FMN1: variants seen among roughly 807,000 people sequenced by gnomAD.
FMN1 encodes the protein formin 1.
Under a neutral mutation model 132.4 loss-of-function variants are expected in FMN1, and 110 were observed. That is an observed-to-expected ratio of 0.83 (90% confidence interval 0.71 to 0.97). The LOEUF (loss-of-function observed/expected upper bound fraction) is 0.97, where lower values mean the gene tolerates loss of function less well. Ranked by LOEUF, FMN1 falls within the 50% of genes least tolerant of loss-of-function variation. The pLI is 0.00. For missense variants in FMN1, 1,792 were observed against 1,705.3 expected, an observed-to-expected ratio of 1.05 and a Z score of -0.90; for synonymous variants, 722 against 651.7, an observed-to-expected ratio of 1.11 and a Z score of -1.64.
intron 4 of FMN1, among the ~76,000 whole-genome samples, chr15:33,099,228 C>A (rs1365899219): frequency 3.3e-5 from 5 of 152,210 alleles, no homozygotes; most frequent in African/African-American, 1.2e-4. Flanking sequence ...AAGGTTGAGG[C>A]TGCAGTGAGG....
At chr15:33,186,870 C>G (rs2140354155) in intron 2 of FMN1, among the ~76,000 whole-genome samples, 1 of 152,190 alleles carries the variant, frequency 6.6e-6, no homozygotes, top group East Asian at 1.9e-4. Flanking sequence ...AGGTATCTCC[C>G]TGGAGCACTT....
intron 7 of FMN1, among the ~76,000 whole-genome samples, chr15:32,976,752 T>C (rs1450634657): frequency 2.6e-5 from 4 of 152,146 alleles, no homozygotes; most frequent in Admixed American, 6.5e-5. Flanking sequence ...GTAATTGATA[T>C]GAAGCTGACT....
chr15:32,877,322 C>G (rs1012522442), intron 16 of FMN1, among the ~76,000 whole-genome samples: 1 of 150,180 alleles, frequency 6.7e-6, no homozygotes, highest in Non-Finnish European at 1.5e-5. Flanking sequence ...GGTATCAACA[C>G]AAGAATTTTT....
chr15:33,084,340 C>T (rs907135326), intron 5 of FMN1, among the ~76,000 whole-genome samples: 1 of 152,132 alleles, frequency 6.6e-6, no homozygotes, highest in African/African-American at 2.4e-5. Flanking sequence ...GTTATCCTAG[C>T]AAATTACTGA....
intron 12 of FMN1, among the ~76,000 whole-genome samples, chr15:32,903,609 G>A (rs746595483): frequency 1.4e-4 from 22 of 152,192 alleles, no homozygotes; most frequent in South Asian, 8.3e-4. Flanking sequence ...CACAGTGAGC[G>A]AAGCAGTTAC....
intron 7 of FMN1, among the ~76,000 whole-genome samples, chr15:32,974,753 G>C (rs1381360326): frequency 6.6e-6 from 1 of 152,088 alleles, no homozygotes; most frequent in Admixed American, 6.6e-5. Context: ...AGCTGAGATA[G>C]TAAAACAACA....
intron 2 of FMN1, among the ~76,000 whole-genome samples, chr15:33,193,329 TAAGCAACGGC>T (rs528907963): frequency 1.1e-4 from 17 of 152,296 alleles, no homozygotes; most frequent in African/African-American, 4.1e-4. Flanking sequence ...TAGAAACAGC[TAAGCAACGGC>T]TGTTGAATCC....
chr15:33,115,787 G>C (rs1324031926), intron 4 of FMN1, among the ~76,000 whole-genome samples: 2 of 152,228 alleles, frequency 1.3e-5, no homozygotes, highest in South Asian at 2.1e-4. Flanking sequence ...TTACCACTTA[G>C]AAGTTCCCTT....
At chr15:33,090,513 A>C (rs1301493437) in intron 4 of FMN1, among the ~76,000 whole-genome samples, 1 of 151,946 alleles carries the variant, frequency 6.6e-6, no homozygotes, top group Non-Finnish European at 1.5e-5. Flanking sequence ...TCCACAAAAC[A>C]CCTTTCTGCA....
intron 6 of FMN1, among the ~76,000 whole-genome samples, chr15:33,020,055 G>C (rs2035333543): frequency 6.6e-6 from 1 of 152,136 alleles, no homozygotes; most frequent in South Asian, 2.1e-4. Flanking sequence ...ACCAGGAAAT[G>C]TGTTTCCCTG....
At chr15:32,862,352 C>T (rs567329225) in intron 16 of FMN1, among the ~76,000 whole-genome samples, 1 of 152,130 alleles carries the variant, frequency 6.6e-6, no homozygotes, top group Non-Finnish European at 1.5e-5. Flanking sequence ...TCTCTTTACA[C>T]AATTTTTTGG....
At chr15:32,869,818 C>T (rs1366274020) in intron 16 of FMN1, among the ~76,000 whole-genome samples, 1 of 152,142 alleles carries the variant, frequency 6.6e-6, no homozygotes, top group African/African-American at 2.4e-5. Flanking sequence ...GCAGAAGGAT[C>T]AAGTGAGATG....
Position 33,122,373 on chromosome 15 carries a change from T to A in FMN1, c.1867+30675A>T, listed in dbSNP as rs182960558. On this transcript the variant is annotated intron_variant, in intron 4 of 20. Transcript: ENST00000616417. ...TTTAACCCAGGCATGTATTAAACAA[T>A]TTTCTCCCAAAAAGTACATGCCTGG... Among the ~76,000 whole-genome samples, 240 of 152,314 alleles carry A rather than the reference T, an allele frequency of 1.6e-3. 1 individual carries two copies. Among genetic ancestry groups the A allele is most frequent in the African/African-American group, 5.5e-3 (229 of 41,576 alleles).
At chr15:33,022,659 G>C (rs899371045) in intron 6 of FMN1, among the ~76,000 whole-genome samples, 4 of 152,212 alleles carry the variant, frequency 2.6e-5, no homozygotes, top group African/African-American at 9.7e-5. Flanking sequence ...GGACAAACCA[G>C]TAAGTGGCAC....
intron 4 of FMN1, among the ~76,000 whole-genome samples, chr15:33,127,835 A>T (rs1963246269): frequency 6.6e-6 from 1 of 152,214 alleles, no homozygotes; most frequent in Admixed American, 6.5e-5. Flanking sequence ...TCCCTGAAAA[A>T]TTCTGTTGGT....
chr15:32,810,888 C>T (rs564682232), intron 17 of FMN1: 47 of 447,144 alleles, frequency 1.1e-4, no homozygotes, highest in African/African-American at 6.2e-4. Flanking sequence ...ACCAACAGGA[C>T]GCACAGTTAA....
At chr15:33,035,593 T>C (rs1239473727) in intron 6 of FMN1, among the ~76,000 whole-genome samples, 1 of 152,162 alleles carries the variant, frequency 6.6e-6, no homozygotes, top group Non-Finnish European at 1.5e-5. Context: ...CTTTTCTTAT[T>C]TGGTTGCTCA....
intron 6 of FMN1, among the ~76,000 whole-genome samples, chr15:33,017,528 T>C (rs1188422885): frequency 1.3e-5 from 2 of 152,190 alleles, no homozygotes; most frequent in African/African-American, 4.8e-5. Flanking sequence ...ACCTACTATG[T>C]TGTTCAATAA....
intron 18 of FMN1, among the ~76,000 whole-genome samples, chr15:32,799,744 G>C (rs1031219269): frequency 1.3e-5 from 2 of 152,130 alleles, no homozygotes; most frequent in African/African-American, 2.4e-5. Flanking sequence ...GACTACCTGG[G>C]CCTCCCAAGC....
Sources: allele counts gnomAD v4.1 joint callset (sites outside exome capture counted in the v4.1 genomes callset), GRCh38; gene constraint gnomAD v4.1.1; transcripts MANE v1.5; gene names NCBI Gene and HGNC (gene_info 2026-07-23, HGNC 2026-07-21).